DYM: variants seen among roughly 807,000 people sequenced by gnomAD.
DYM encodes dyggve-Melchior-Clausen syndrome protein.
In DYM, 78 loss-of-function variants were observed where a neutral mutation model predicts 93.1. That is an observed-to-expected ratio of 0.84 (90% CI 0.70 to 1.01). The LOEUF is 1.01. DYM is among the 50% of genes least tolerant of loss of function. The pLI, the probability that DYM is intolerant of heterozygous loss-of-function variation, is 0.00. For missense variants in DYM, 789 were observed against 845.0 expected, an observed-to-expected ratio of 0.93 and a Z score of 0.82; for synonymous variants, 321 against 319.7, an observed-to-expected ratio of 1.00 and a Z score of -0.04.
intron 17 of DYM, among the ~76,000 whole-genome samples, chr18:49,085,392 G>T (rs991950849): frequency 6.6e-6 from 1 of 152,044 alleles, no homozygotes; most frequent in African/African-American, 2.4e-5. Flanking sequence ...GACACAAATC[G>T]TCTCCAACTT....
intron 15 of DYM, among the ~76,000 whole-genome samples, chr18:49,133,321 A>G (rs777817181): frequency 6.6e-6 from 1 of 152,202 alleles, no homozygotes; most frequent in Non-Finnish European, 1.5e-5. Context: ...CACAATAACA[A>G]AAAATTTTCA....
At position 49,317,606 on chromosome 18, in the gene DYM, C is replaced by T. The variant is rs1311188091; in HGVS notation, c.763+14258G>A. Among the ~76,000 whole-genome samples, 86 of 43,278 alleles carry T rather than the reference C, an allele frequency of 2.0e-3. 2 individuals are homozygous for T. The highest frequency in any genetic ancestry group is 0.021 in the Middle Eastern group (1 of 48). 28.4% of individuals were successfully genotyped at this position (43,278 alleles called of 152,430 possible). ...CTCTCTCTCTCTCTCTCCCCCCTCC[C>T]CCCTCCCTCCCTCCCTCCCTCCCTC... On this transcript the variant is annotated intron_variant, in intron 8 of 17. Coordinates refer to ENST00000675505, the MANE Select transcript of DYM (RefSeq NM_001353214.3).
chr18:49,246,842 T>G (rs564585948), intron 13 of DYM, among the ~76,000 whole-genome samples: 6 of 152,258 alleles, frequency 3.9e-5, no homozygotes, highest in South Asian at 2.1e-4. Flanking sequence ...AACTGAGAGA[T>G]AAAACCTAGA....
intron 11 of DYM, among the ~76,000 whole-genome samples, chr18:49,267,872 G>A (rs1297222104): frequency 2.0e-5 from 3 of 152,078 alleles, no homozygotes; most frequent in African/African-American, 7.2e-5. Context: ...ACTCTGGCCT[G>A]GGAGACAAAG....
chr18:49,202,858 G>A (rs2092148756), intron 14 of DYM, among the ~76,000 whole-genome samples: 1 of 103,620 alleles, frequency 9.7e-6, no homozygotes, highest in Non-Finnish European at 2.1e-5. Context: ...TCTGGGAAGT[G>A]AGGAGCGTCT....
chr18:49,281,702 G>T (rs1229902657), intron 10 of DYM, among the ~76,000 whole-genome samples: 1 of 152,020 alleles, frequency 6.6e-6, no homozygotes, highest in East Asian at 1.9e-4. Context: ...CTATCCCAAG[G>T]ACAAAAAACC....
chr18:49,315,040 C>T (rs776224323), intron 8 of DYM, among the ~76,000 whole-genome samples: 1 of 152,032 alleles, frequency 6.6e-6, no homozygotes, highest in Non-Finnish European at 1.5e-5. Flanking sequence ...CATGGCAAAA[C>T]CCAGTCTCTA....
At chr18:49,321,572 T>C (rs1369977329) in intron 8 of DYM, among the ~76,000 whole-genome samples, 1 of 152,224 alleles carries the variant, frequency 6.6e-6, no homozygotes, top group African/African-American at 2.4e-5. Context: ...AACCATACTT[T>C]TGTCAAAGAG....
chr18:49,151,511 T>C (rs535942407), intron 15 of DYM, among the ~76,000 whole-genome samples: 3 of 152,312 alleles, frequency 2.0e-5, no homozygotes, highest in African/African-American at 4.8e-5. Flanking sequence ...AATAATAAGA[T>C]ACCAGCTTAA....
chr18:49,079,670 A>G (rs112466677), intron 17 of DYM, among the ~76,000 whole-genome samples: 3 of 151,616 alleles, frequency 2.0e-5, no homozygotes, highest in African/African-American at 7.3e-5. Context: ...CCCTTAATCC[A>G]TTTAACCCTG....
intron 1 of DYM, among the ~76,000 whole-genome samples, chr18:49,449,099 T>C (rs1231374112): frequency 1.3e-5 from 2 of 152,208 alleles, no homozygotes; most frequent in Non-Finnish European, 2.9e-5. Flanking sequence ...CTACAGGAAA[T>C]GCCCAATGGA....
intron 13 of DYM, among the ~76,000 whole-genome samples, chr18:49,245,459 G>T (rs893662781): frequency 6.6e-6 from 1 of 152,146 alleles, no homozygotes; most frequent in East Asian, 1.9e-4. Flanking sequence ...CATTCCTGGG[G>T]GTAGGTATAT....
At chr18:49,313,881 A>G (rs1032238220) in intron 8 of DYM, among the ~76,000 whole-genome samples, 1 of 152,126 alleles carries the variant, frequency 6.6e-6, no homozygotes, top group Admixed American at 6.5e-5. Flanking sequence ...TAACAAAGCC[A>G]CTGGTATAAA....
intron 8 of DYM, among the ~76,000 whole-genome samples, chr18:49,322,984 AC>A (rs2062603473): frequency 6.6e-6 from 1 of 152,180 alleles, no homozygotes; most frequent in Non-Finnish European, 1.5e-5. Context: ...TTCCAGGTCT[AC>A]CTAACACAAA....
In DYM at chr18:49,044,207, G is replaced by A. The variant is rs1426338527; in HGVS notation, c.2026-3C>T. ...TTGAATTTCAATTCTGGAAATTTCT[G>A]CAATGAAAATAAGATGATTTTATAA... On this transcript the variant is annotated splice_region_variant and splice_polypyrimidine_tract_variant and intron_variant, in intron 17 of 17. Transcript: ENST00000675505. The A allele has an allele frequency of 2.5e-6, 4 of 1,613,930 alleles. No homozygotes were observed. The Admixed American group carries it at 5.0e-5, about 20-fold the overall frequency.
At chr18:49,373,547 A>G (rs553706507) in intron 5 of DYM, among the ~76,000 whole-genome samples, 1 of 152,130 alleles carries the variant, frequency 6.6e-6, no homozygotes, top group South Asian at 2.1e-4. Flanking sequence ...CCTTCACTGC[A>G]ACTTGTTTTA....
chr18:49,368,031 G>A (rs1295252310), intron 5 of DYM, among the ~76,000 whole-genome samples: 3 of 152,138 alleles, frequency 2.0e-5, no homozygotes, highest in Non-Finnish European at 4.4e-5. Context: ...AATGTCTCTT[G>A]TAGGTTAATC....
intron 13 of DYM, among the ~76,000 whole-genome samples, chr18:49,245,459 G>A (rs893662781): frequency 1.3e-5 from 2 of 152,146 alleles, no homozygotes; most frequent in African/African-American, 4.8e-5. Context: ...CATTCCTGGG[G>A]GTAGGTATAT....
At chr18:49,304,297 C>T (rs1268063042) in intron 8 of DYM, among the ~76,000 whole-genome samples, 1 of 152,180 alleles carries the variant, frequency 6.6e-6, no homozygotes, top group African/African-American at 2.4e-5. Context: ...ACTTCCCTGG[C>T]CAGGAGGCCA....
Sources: gnomAD v4.1 joint callset for allele counts (sites outside exome capture counted in the v4.1 genomes callset) on GRCh38, gnomAD v4.1.1 for gene constraint, MANE v1.5 for transcripts, NCBI Gene and HGNC (gene_info 2026-07-23, HGNC 2026-07-21) for gene names.